The following CASP8 variants were observed in gnomAD, a reference collection of about 807,000 sequenced individuals.
CASP8 encodes the protein caspase-8.
CASP8 carries 24 observed loss-of-function variants against 46.3 expected under a neutral mutation model. The ratio of observed to expected loss-of-function variants is 0.52; its 90% confidence interval spans 0.38 to 0.73. The LOEUF (loss-of-function observed/expected upper bound fraction) is 0.73, where lower values mean the gene tolerates loss of function less well. Ranked by LOEUF, CASP8 falls within the 30% of genes least tolerant of loss-of-function variation. The pLI, the probability that CASP8 is intolerant of heterozygous loss-of-function variation, is 0.00. For synonymous variants in CASP8, 188 were observed against 200.4 expected, an observed-to-expected ratio of 0.94 and a Z score of 0.52; for missense variants, 460 against 559.0, an observed-to-expected ratio of 0.82 and a Z score of 1.79.
At chr2:201,259,819 T>C (rs1947258559), upstream of CASP8, among the ~76,000 whole-genome samples, 1 of 152,052 alleles carries the variant, frequency 6.6e-6, no homozygotes, top group Non-Finnish European at 1.5e-5. Flanking sequence ...TACACTCATA[T>C]ACAAGGATCA....
chr2:201,266,881 C>T lies in CASP8; in HGVS notation c.305+90C>T. The T allele has an allele frequency of 3.3e-6, 3 of 910,800 alleles. No homozygotes were observed. The highest frequency in any genetic ancestry group is 1.7e-6 in the Non-Finnish European group (1 of 604,026). 56.4% of individuals were successfully genotyped at this position (910,800 alleles called of 1,614,324 possible). A position where few individuals can be genotyped will look rare whatever the true frequency, so the allele number is the denominator to read the frequency against. Reference sequence around the variant, plus strand: ...TGGGGCTTTTTTTTGTGGTACCCTGCCTAGTGCCTGGGAACCCAGCAGTGC... The same window carrying T: ...TGGGGCTTTTTTTTGTGGTACCCTGTCTAGTGCCTGGGAACCCAGCAGTGC... On this transcript the variant is annotated intron_variant, in intron 2 of 8. Coordinates refer to ENST00000673742, the MANE Select transcript of CASP8 (RefSeq NM_001372051.1). This position sits in a 1 kb window ranked among gnomAD's most constrained non-coding sequence, Gnocchi z 5.7.
At chr2:201,256,606 G>A (rs1213224538), upstream of CASP8, among the ~76,000 whole-genome samples, 1 of 152,200 alleles carries the variant, frequency 6.6e-6, no homozygotes, top group African/African-American at 2.4e-5. Flanking sequence ...TTGGAGAAAG[G>A]GAGTTAGTAT....
At chr2:201,251,456 G>A (rs896373278) in intron 2 of CASP8, among the ~76,000 whole-genome samples, 7 of 151,958 alleles carry the variant, frequency 4.6e-5, no homozygotes, top group Non-Finnish European at 8.8e-5. Context: ...TTAGCTGGGC[G>A]TGGTGGCGTG....
At chr2:201,282,505 A>G (rs1415840233) in intron 7 of CASP8, among the ~76,000 whole-genome samples, 1 of 110,306 alleles carries the variant, frequency 9.1e-6, no homozygotes, top group African/African-American at 3.0e-5. Context: ...ACTTCCCAGT[A>G]GGGGCGGCCC....
At chr2:201,274,860 T>C in intron 5 of CASP8, 29 bp from the exon 6 acceptor site, 1 of 1,564,272 alleles carries the variant, frequency 6.4e-7, no homozygotes, top group Non-Finnish European at 8.8e-7. Context: ...CCATGTCTCA[T>C]TCTAGATGTG....
chr2:201,242,221 A>G (rs1024761909), intron 2 of CASP8: 1 of 152,238 alleles, frequency 6.6e-6, no homozygotes, highest in Non-Finnish European at 1.5e-5. Context: ...AAGAGAAGAG[A>G]GAGCTCAGAA....
intron 2 of CASP8, among the ~76,000 whole-genome samples, chr2:201,250,139 T>C (rs1460667650): frequency 2.0e-5 from 3 of 152,312 alleles, no homozygotes; most frequent in South Asian, 2.1e-4. Flanking sequence ...AAGGCCCGTT[T>C]GTTTAGTTAG....
chr2:201,248,936 G>C (rs2124977506), intron 2 of CASP8, among the ~76,000 whole-genome samples: 1 of 152,270 alleles, frequency 6.6e-6, no homozygotes, highest in Admixed American at 6.5e-5. Flanking sequence ...CTGTTGCCCA[G>C]GCTGGAGTGC....
At chr2:201,234,271 TG>T (rs1020912642) in intron 2 of CASP8, among the ~76,000 whole-genome samples, 5 of 152,246 alleles carry the variant, frequency 3.3e-5, no homozygotes, top group African/African-American at 9.6e-5. Flanking sequence ...CCCTGTACAC[TG>T]GTATGAGTGG....
intron 2 of CASP8, among the ~76,000 whole-genome samples, chr2:201,237,275 G>C (rs112520379): frequency 0.081 from 12,230 of 150,898 alleles, 583 homozygotes; most frequent in Non-Finnish European, 0.1. Flanking sequence ...ATTTTTAGTA[G>C]AGATGGGGTT....
In CASP8 at chr2:201,266,748, A is replaced by G. The variant is rs374010917; in HGVS notation, c.262A>G (p.Arg88Gly). ...YLNTRKEEME[R>G]ELQTPGRAQI... ...AAACACTAGAAAGGAGGAGATGGAA[A>G]GGGAACTTCAGACACCAGGCAGGGC... The change falls in exon 2 of 9, where the codon AGG becomes GGG. Residue 88 changes from arginine to glycine, a missense_variant. Physicochemically the swap from Arg to Gly is moderately radical, Grantham distance 125. Coordinates refer to ENST00000673742, the MANE Select transcript of CASP8 (RefSeq NM_001372051.1). This position sits in a 1 kb window ranked among gnomAD's most constrained non-coding sequence, Gnocchi z 5.7. The G allele has an allele frequency of 5.5e-5, 88 of 1,613,534 alleles. No homozygotes were observed. Among genetic ancestry groups the G allele is most frequent in the Non-Finnish European group, 7.1e-5 (84 of 1,179,628 alleles).
chr2:201,246,628 A>G lies in CASP8; in HGVS notation c.-27+12516A>G, dbSNP rs143573018. Among the ~76,000 whole-genome samples, 556 of 152,302 alleles carry G rather than the reference A, an allele frequency of 3.7e-3. 1 individual carries two copies. The highest frequency in any genetic ancestry group is 0.013 in the African/African-American group (539 of 41,558). On this transcript the variant is annotated intron_variant, in intron 2 of 6. Transcript: ENST00000264274. ...AATCGACCACCCTCACCCCCAGTTC[A>G]GCTGACTGACTCCCCAGCCTGTATT... is the stretch of plus-strand genomic sequence containing the variant.
chr2:201,251,636 C>T lies in CASP8; in HGVS notation c.-26-14825C>T, dbSNP rs552190785. On this transcript the variant is annotated intron_variant, in intron 2 of 6. Coordinates refer to the CASP8 transcript ENST00000264274. ...AAAAAAAAATGGCCAGGCGCAGTGG[C>T]TCACACCTGTAATCTCAGCACTTTG... Among the ~76,000 whole-genome samples the T allele has an allele frequency of 3.3e-5, 5 of 150,808 alleles. No individual in the cohort carries two copies. The South Asian group carries it at 1.0e-3, about 32-fold the overall frequency.
intron 6 of CASP8, among the ~76,000 whole-genome samples, chr2:201,276,523 T>A (rs1165874199): frequency 2.0e-5 from 3 of 151,966 alleles, no homozygotes; most frequent in Admixed American, 6.6e-5. Flanking sequence ...CCTCAAGGAG[T>A]CTTCTGTATA....
chr2:201,258,174 T>C, upstream of CASP8: 2 of 1,587,942 alleles, frequency 1.3e-6, no homozygotes, highest in Non-Finnish European at 1.7e-6. Flanking sequence ...CTTTTATCTT[T>C]TGTGTTTTTT....
At chr2:201,267,356 T>C (rs751230669) in intron 2 of CASP8, among the ~76,000 whole-genome samples, 20 of 152,110 alleles carry the variant, frequency 1.3e-4, no homozygotes, top group Non-Finnish European at 2.8e-4. Flanking sequence ...CAATGAGATT[T>C]AAGGGTTTTC....
At chr2:201,283,204 G>T (rs1949247357) in intron 7 of CASP8, among the ~76,000 whole-genome samples, 1 of 78,848 alleles carries the variant, frequency 1.3e-5, no homozygotes. Flanking sequence ...GGACGGGGCG[G>T]CTGGCCAGGC....
chr2:201,282,646 A>C (rs1949157722), intron 7 of CASP8, among the ~76,000 whole-genome samples: 1 of 77,894 alleles, frequency 1.3e-5, no homozygotes, highest in Non-Finnish European at 3.1e-5. Context: ...GCGGCCGGGC[A>C]GAGGCGCCCC....
intron 1 of CASP8, among the ~76,000 whole-genome samples, chr2:201,233,849 T>C (rs376122896): frequency 3.9e-5 from 6 of 152,206 alleles, no homozygotes; most frequent in African/African-American, 1.2e-4. Flanking sequence ...AAGACAGATA[T>C]TTTACCTTAG....
Sources: allele counts gnomAD v4.1 joint callset (sites outside exome capture counted in the v4.1 genomes callset), GRCh38; gene constraint gnomAD v4.1.1; non-coding constraint Gnocchi (gnomAD v3.1); transcripts MANE v1.5; gene names NCBI Gene and HGNC (gene_info 2026-07-23, HGNC 2026-07-21).